The following SPATA6 variants were observed in gnomAD, a reference collection of about 807,000 sequenced individuals.
SPATA6 encodes the protein spermatogenesis-associated protein 6.
Under a neutral mutation model 65.3 loss-of-function variants are expected in SPATA6, and 56 were observed. The ratio of observed to expected loss-of-function variants is 0.86; its 90% CI spans 0.69 to 1.07. SPATA6 has a LOEUF of 1.07. SPATA6 is among the 50% of genes least tolerant of loss of function. The pLI is 0.00. For missense variants in SPATA6, 590 were observed against 594.8 expected, an observed-to-expected ratio of 0.99 and a Z score of 0.08; for synonymous variants, 199 against 213.2, an observed-to-expected ratio of 0.93 and a Z score of 0.58.
At chr1:48,327,238 C>CA (rs956670407) in intron 11 of SPATA6, among the ~76,000 whole-genome samples, 5 of 151,934 alleles carry the variant, frequency 3.3e-5, no homozygotes, top group African/African-American at 7.2e-5. Flanking sequence ...AACAAACACA[C>CA]AAAAAAATGC....
At chr1:48,264,684 C>A in the SPATA6 span, among the ~76,000 whole-genome samples, 1 of 152,168 alleles carries the variant, frequency 6.6e-6, no homozygotes, top group Non-Finnish European at 1.5e-5. Context: ...CATGTCCCTG[C>A]AAAGGACAGG....
At chr1:48,270,735 A>G in the SPATA6 span, among the ~76,000 whole-genome samples, 1 of 151,952 alleles carries the variant, frequency 6.6e-6, no homozygotes, top group African/African-American at 2.4e-5. Flanking sequence ...GAAAAAAAAA[A>G]AACCATCTTC....
chr1:48,368,873 G>T (rs888592845), intron 9 of SPATA6, among the ~76,000 whole-genome samples: 3 of 152,128 alleles, frequency 2.0e-5, no homozygotes, highest in Non-Finnish European at 4.4e-5. Flanking sequence ...GAGGCGTGCT[G>T]TTTTTTAGAT....
intron 11 of SPATA6, among the ~76,000 whole-genome samples, chr1:48,323,115 T>C (rs549795124): frequency 6.6e-6 from 1 of 152,302 alleles, no homozygotes; most frequent in Admixed American, 6.5e-5. Flanking sequence ...TAAAGACACA[T>C]GCACACATGT....
intron 3 of SPATA6, among the ~76,000 whole-genome samples, chr1:48,415,856 C>T (rs1444239730): frequency 6.6e-6 from 1 of 151,988 alleles, no homozygotes; most frequent in Non-Finnish European, 1.5e-5. Flanking sequence ...ATAAATGCCC[C>T]CCAAAATATC....
chr1:48,313,942 G>A (rs1018942193), intron 11 of SPATA6, among the ~76,000 whole-genome samples: 1 of 152,152 alleles, frequency 6.6e-6, no homozygotes, highest in Non-Finnish European at 1.5e-5. Flanking sequence ...AAGAGACAAA[G>A]AAGCCCATTA....
At chr1:48,363,597 A>G (rs1389663735) in intron 9 of SPATA6, among the ~76,000 whole-genome samples, 2 of 152,118 alleles carry the variant, frequency 1.3e-5, no homozygotes, top group Admixed American at 6.6e-5. Flanking sequence ...AGCATAAAAA[A>G]GTCTTTTTTT....
rs11810165 is a variant in SPATA6 at position 48,334,136 on chromosome 1, C to T, written c.1194+21534G>A. ...CAAGCTTTGAAACTGAATCAGCAAT[C>T]GATAGCCGACCAACCAATAAAAGCC... On this transcript the variant is annotated intron_variant, in intron 11 of 12. Transcript: ENST00000371847. 8.9e-3 allele frequency among the ~76,000 whole-genome samples: 1,358 copies of T among 152,008 alleles called. 20 individuals carry two copies. Among genetic ancestry groups the T allele is most frequent in the African/African-American group, 0.03 (1,264 of 41,488 alleles).
At position 48,298,459 on chromosome 1, in the gene SPATA6, T is replaced by G; in HGVS notation, c.*254A>C. 1 of 321,366 alleles carries G rather than the reference T, an allele frequency of 3.1e-6. No homozygotes were observed. Among genetic ancestry groups the G allele is most frequent in the Non-Finnish European group, 5.6e-6 (1 of 177,394 alleles). The allele number at this position is 321,366 out of a possible 1,614,324, so 19.9% of individuals were successfully genotyped here. ...AGGTGTACATGTAACAGAATATCCT[T>G]GTCACATATTGGAAGTTGTGATTGT... On this transcript the variant is annotated 3_prime_UTR_variant, in exon 13 of 13. Transcript: ENST00000371847.
At chr1:48,313,089 G>C (rs1028528662) in intron 11 of SPATA6, among the ~76,000 whole-genome samples, 2 of 152,166 alleles carry the variant, frequency 1.3e-5, no homozygotes, top group African/African-American at 4.8e-5. Flanking sequence ...GAAAGTGACG[G>C]GGAGAATGGA....
At chr1:48,404,364 A>AT in intron 5 of SPATA6, among the ~76,000 whole-genome samples, 1 of 152,030 alleles carries the variant, frequency 6.6e-6, no homozygotes, top group East Asian at 1.9e-4. Context: ...TACTCAATTA[A>AT]TTTTTTTTCT....
At chr1:48,462,699 T>C (rs1182476428) in intron 1 of SPATA6, among the ~76,000 whole-genome samples, 1 of 152,178 alleles carries the variant, frequency 6.6e-6, no homozygotes, top group Non-Finnish European at 1.5e-5. Context: ...TTACAACAAT[T>C]GGATAAGTAT....
chr1:48,261,743 C>T, the SPATA6 span, among the ~76,000 whole-genome samples: 3 of 152,042 alleles, frequency 2.0e-5, no homozygotes. Flanking sequence ...TGGTATAATA[C>T]TCAATACAAA....
chr1:48,417,756 G>A (rs553394166), intron 3 of SPATA6, among the ~76,000 whole-genome samples: 1 of 151,062 alleles, frequency 6.6e-6, no homozygotes, highest in East Asian at 2.0e-4. Context: ...CCTGGGAGAC[G>A]GAGGTTGCAG....
At chr1:48,300,205 C>T (rs543628265) in intron 12 of SPATA6, among the ~76,000 whole-genome samples, 11 of 152,170 alleles carry the variant, frequency 7.2e-5, no homozygotes, top group African/African-American at 2.2e-4. Flanking sequence ...ACATAAATTC[C>T]GGAATTACAT....
intron 5 of SPATA6, among the ~76,000 whole-genome samples, chr1:48,411,037 T>C (rs1264330332): frequency 6.6e-6 from 1 of 152,192 alleles, no homozygotes; most frequent in East Asian, 1.9e-4. Flanking sequence ...TGAATACTAA[T>C]GAGTTAGAGT....
At chr1:48,290,491 T>C (rs1644759527), downstream of SPATA6, among the ~76,000 whole-genome samples, 3 of 152,102 alleles carry the variant, frequency 2.0e-5, no homozygotes, top group African/African-American at 7.2e-5. Flanking sequence ...AATTCACACA[T>C]AATAATATTA....
chr1:48,329,594 G>A (rs1645856973), intron 11 of SPATA6, among the ~76,000 whole-genome samples: 1 of 152,210 alleles, frequency 6.6e-6, no homozygotes, highest in African/African-American at 2.4e-5. Context: ...AGTGGGCGGG[G>A]CCAATATGGC....
In SPATA6 at chr1:48,458,500, T is replaced by C. The variant is rs1657173966; in HGVS notation, c.52-5369A>G. Among the ~76,000 whole-genome samples the C allele has an allele frequency of 2.0e-5, 3 of 152,174 alleles. 1 individual carries two copies. The highest frequency in any genetic ancestry group is 4.1e-4 in the South Asian group (2 of 4,820). The stretch of plus-strand genomic sequence containing the variant: ...AGTGGGCAGAGTATCCAGGACTTCT[T>C]TTCCCAGAGGCAACCCTGTCTGCTC... On this transcript the variant is annotated intron_variant, in intron 1 of 12. Coordinates refer to ENST00000371847, the MANE Select transcript of SPATA6 (RefSeq NM_019073.4).
Sources: gnomAD v4.1 joint callset for allele counts (sites outside exome capture counted in the v4.1 genomes callset) on GRCh38, gnomAD v4.1.1 for gene constraint, MANE v1.5 for transcripts, NCBI Gene and HGNC (gene_info 2026-07-23, HGNC 2026-07-21) for gene names.